TRHDE: variants seen among roughly 807,000 people sequenced by gnomAD.
The protein encoded by TRHDE is thyrotropin releasing hormone degrading enzyme, also known as thyrotropin-releasing hormone-degrading ectoenzyme.
Under a neutral mutation model 125.7 loss-of-function variants are expected in TRHDE, and 72 were observed. The ratio of observed to expected loss-of-function variants is 0.57; its 90% CI spans 0.47 to 0.70. The LOEUF (loss-of-function observed/expected upper bound fraction) is 0.70, where lower values mean the gene tolerates loss of function less well. TRHDE is among the 30% of genes least tolerant of loss of function. The pLI, the probability that TRHDE is intolerant of heterozygous loss-of-function variation, is 0.00. For synonymous variants in TRHDE, 509 were observed against 509.1 expected, an observed-to-expected ratio of 1.00 and a Z score of 0.00; for missense variants, 1,110 against 1,327.1, an observed-to-expected ratio of 0.84 and a Z score of 2.54.
At chr12:72,577,177 G>A (rs999656467) in intron 12 of TRHDE, among the ~76,000 whole-genome samples, 3 of 152,178 alleles carry the variant, frequency 2.0e-5, no homozygotes, top group Non-Finnish European at 2.9e-5. Flanking sequence ...AGCAGAAAAA[G>A]AGAGAGTGAG....
chr12:72,156,538 A>C (rs1876516934), intron 2 of TRHDE, among the ~76,000 whole-genome samples: 2 of 152,254 alleles, frequency 1.3e-5, no homozygotes, highest in East Asian at 3.9e-4. Flanking sequence ...TCTTGGCTCC[A>C]CCCCATGAGT....
At chr12:72,387,820 C>T (rs1872487877) in intron 3 of TRHDE, among the ~76,000 whole-genome samples, 1 of 152,132 alleles carries the variant, frequency 6.6e-6, no homozygotes, top group Non-Finnish European at 1.5e-5. Context: ...TTCTCTCTTG[C>T]CTGCAGCCAT....
intron 3 of TRHDE, among the ~76,000 whole-genome samples, chr12:72,447,470 A>AATGT: frequency 6.6e-6 from 1 of 152,208 alleles, no homozygotes; most frequent in East Asian, 1.9e-4. Context: ...TAGTGATGTC[A>AATGT]ATGTTGCCAT....
intron 7 of TRHDE, among the ~76,000 whole-genome samples, chr12:72,554,629 A>T (rs992471352): frequency 6.6e-6 from 1 of 152,218 alleles, no homozygotes; most frequent in Non-Finnish European, 1.5e-5. Context: ...TTTACCAGCC[A>T]GGATGTAATT....
chr12:72,344,597 A>G (rs1870229553), intron 2 of TRHDE, among the ~76,000 whole-genome samples: 1 of 152,132 alleles, frequency 6.6e-6, no homozygotes, highest in Non-Finnish European at 1.5e-5. Context: ...AGTGGGCTAC[A>G]TGAGCAAGGG....
chr12:72,520,491 T>C (rs951821284), intron 6 of TRHDE, among the ~76,000 whole-genome samples: 3 of 152,136 alleles, frequency 2.0e-5, no homozygotes, highest in Non-Finnish European at 4.4e-5. Context: ...TGCCTCGCCC[T>C]GCTTCTGCTT....
intron 3 of TRHDE, among the ~76,000 whole-genome samples, chr12:72,443,404 A>G (rs768202147): frequency 1.4e-4 from 22 of 151,834 alleles, no homozygotes; most frequent in African/African-American, 3.4e-4. Flanking sequence ...CAGGTATTAT[A>G]TTGCACTTAC....
At chr12:72,126,101 A>G (rs555391871) in intron 2 of TRHDE, among the ~76,000 whole-genome samples, 20 of 152,320 alleles carry the variant, frequency 1.3e-4, no homozygotes, top group Admixed American at 1.3e-3. Context: ...AAGAATCATC[A>G]AAAATAATTG....
chr12:72,102,364 C>A (rs1875088315), intron 1 of TRHDE, among the ~76,000 whole-genome samples: 1 of 152,124 alleles, frequency 6.6e-6, no homozygotes, highest in Non-Finnish European at 1.5e-5. Context: ...CCACACGTGG[C>A]AGAGGGATTT....
chr12:72,552,793 CAG>C (rs1869739456), intron 7 of TRHDE, among the ~76,000 whole-genome samples: 2 of 152,050 alleles, frequency 1.3e-5, no homozygotes, highest in African/African-American at 4.8e-5. Context: ...ATAAGAAAAA[CAG>C]GGTCAGTTGT....
chr12:72,286,621 G>A lies in TRHDE; in HGVS notation c.915-60G>A, dbSNP rs1879898144. 20 of 1,465,646 alleles carry A rather than the reference G, an allele frequency of 1.4e-5. No homozygotes were observed. The South Asian group carries it at 2.5e-4, about 18-fold the overall frequency. 90.8% of individuals were successfully genotyped at this position (1,465,646 alleles called of 1,614,324 possible). ...TATTTCATCAACAGAAGCATGTAAT[G>A]TGGCCATAACTTAACTCACAACATA... is the stretch of plus-strand genomic sequence containing the variant. On this transcript the variant is annotated intron_variant, in intron 1 of 18. Transcript: ENST00000261180.
chr12:72,635,129 G>A (rs1170824757), intron 15 of TRHDE, among the ~76,000 whole-genome samples: 1 of 150,740 alleles, frequency 6.6e-6, no homozygotes, highest in Non-Finnish European at 1.5e-5. Context: ...CAGTGTAAAA[G>A]TGTTCCTATT....
intron 2 of TRHDE, among the ~76,000 whole-genome samples, chr12:72,206,474 CT>C (rs1415412417): frequency 8.5e-5 from 13 of 152,086 alleles, no homozygotes; most frequent in Non-Finnish European, 1.8e-4. Flanking sequence ...AGAGTAGAAA[CT>C]TTATTTGTAG....
intron 15 of TRHDE, among the ~76,000 whole-genome samples, chr12:72,637,513 C>T (rs1269882545): frequency 6.6e-6 from 1 of 151,980 alleles, no homozygotes; most frequent in African/African-American, 2.4e-5. Flanking sequence ...TTCAGTTCTG[C>T]TCTGATTTTA....
At chr12:72,547,452 T>A (rs1185830378) in intron 7 of TRHDE, among the ~76,000 whole-genome samples, 3 of 151,766 alleles carry the variant, frequency 2.0e-5, no homozygotes, top group Non-Finnish European at 4.4e-5. Context: ...ATATATAAAA[T>A]TTGTAAATTT....
intron 2 of TRHDE, among the ~76,000 whole-genome samples, chr12:72,340,271 C>T (rs1870022616): frequency 6.6e-6 from 1 of 152,140 alleles, no homozygotes; most frequent in African/African-American, 2.4e-5. Flanking sequence ...TCCAACTACC[C>T]AGATGTTTTT....
At chr12:72,264,648 T>C (rs1879024417) in intron 2 of TRHDE, 1 of 151,954 alleles carries the variant, frequency 6.6e-6, no homozygotes, top group African/African-American at 2.4e-5. Flanking sequence ...AATTGTCTCA[T>C]ATGTGAATTA....
chr12:72,201,713 G>A (rs1272385670), intron 2 of TRHDE, among the ~76,000 whole-genome samples: 2 of 152,148 alleles, frequency 1.3e-5, no homozygotes, highest in Non-Finnish European at 2.9e-5. Flanking sequence ...GAAGCATGCC[G>A]ATCCAAGCAT....
At chr12:72,112,371 G>A (rs776066117) in intron 2 of TRHDE, among the ~76,000 whole-genome samples, 34 of 152,100 alleles carry the variant, frequency 2.2e-4, no homozygotes, top group Non-Finnish European at 3.5e-4. Flanking sequence ...AAAAGTAACC[G>A]TGATTAGCCA....
Sources: gnomAD v4.1 joint callset for allele counts (sites outside exome capture counted in the v4.1 genomes callset) on GRCh38, gnomAD v4.1.1 for gene constraint, MANE v1.5 for transcripts, NCBI Gene and HGNC (gene_info 2026-07-23, HGNC 2026-07-21) for gene names.